Variants in ATP2B4 observed in about 807,000 individuals in gnomAD.
ATP2B4 encodes the protein plasma membrane calcium-transporting ATPase 4.
In ATP2B4, 39 loss-of-function variants were observed where a neutral mutation model predicts 110.3. The ratio of observed to expected loss-of-function variants is 0.35; its 90% CI spans 0.27 to 0.46. ATP2B4 has a LOEUF of 0.46. Among genes scored for constraint, ATP2B4 ranks in the 20% least tolerant of loss-of-function variants. The probability of loss-of-function intolerance (pLI) is 1.00; values close to 1 mark genes in which losing one functional copy is unlikely to be tolerated. For synonymous variants in ATP2B4, 538 were observed against 571.7 expected, an observed-to-expected ratio of 0.94 and a Z score of 0.84; for missense variants, 1,135 against 1,530.9, an observed-to-expected ratio of 0.74 and a Z score of 4.32.
chr1:203,653,960 A>AATATATATATATAT (rs376712958), intron 1 of ATP2B4, among the ~76,000 whole-genome samples: 1 of 132,448 alleles, frequency 7.6e-6, no homozygotes, highest in African/African-American at 2.9e-5. Context: ...TGGTTTGCCA[A>AATATATATATATAT]ATATATATAT....
At chr1:203,639,487 G>A (rs370554924) in intron 1 of ATP2B4, among the ~76,000 whole-genome samples, 36 of 152,322 alleles carry the variant, frequency 2.4e-4, no homozygotes, top group African/African-American at 7.9e-4. Context: ...TAGGGAGTTT[G>A]CATCTGTTTC....
chr1:203,633,744 A>AAATAAATT (rs1166677039), intron 1 of ATP2B4, among the ~76,000 whole-genome samples: 119 of 151,778 alleles, frequency 7.8e-4, no homozygotes, highest in African/African-American at 2.8e-3. Context: ...ATAAATAAAT[A>AAATAAATT]AAGTAAATGC....
intron 1 of ATP2B4, 26 bp downstream of exon 1, chr1:203,627,245 T>G (rs1030271788): frequency 6.6e-6 from 1 of 152,256 alleles, no homozygotes; most frequent in Admixed American, 6.5e-5. Context: ...ATGAATTGAC[T>G]TGTGATTTGC....
At chr1:203,716,389 G>C (rs1312608265) in intron 15 of ATP2B4, among the ~76,000 whole-genome samples, 1 of 145,382 alleles carries the variant, frequency 6.9e-6, no homozygotes, top group East Asian at 2.1e-4. Context: ...TAGTACCCAA[G>C]GTTTTTCTTG....
rs900355965 is a variant in ATP2B4, at chr1:203,739,491, C to T, written c.3310-55C>T. On this transcript the variant is annotated intron_variant, in intron 20 of 20. Coordinates refer to ENST00000357681, the MANE Select transcript of ATP2B4 (RefSeq NM_001684.5). ...TAAATCCACCATCTCCTTGTTCTGC[C>T]GGCCAATTCTCACCTCTCTATTTTC... The T allele has an allele frequency of 1.2e-4, 188 of 1,535,344 alleles. 1 individual carries two copies. The highest frequency in any genetic ancestry group is 2.9e-4 in the East Asian group (13 of 44,328).
chr1:203,662,268 C>T (rs1368516238), intron 1 of ATP2B4, among the ~76,000 whole-genome samples: 1 of 152,194 alleles, frequency 6.6e-6, no homozygotes, highest in East Asian at 1.9e-4. Context: ...CCTCATGATC[C>T]ACCCGTCTCA....
chr1:203,648,790 T>G (rs1190036467), intron 1 of ATP2B4, among the ~76,000 whole-genome samples: 1 of 152,074 alleles, frequency 6.6e-6, no homozygotes, highest in African/African-American at 2.4e-5. Flanking sequence ...AGGACAGAAA[T>G]GAGAAAAATG....
At chr1:203,725,822 G>C (rs559519487) in intron 19 of ATP2B4, among the ~76,000 whole-genome samples, 5 of 151,430 alleles carry the variant, frequency 3.3e-5, no homozygotes, top group Non-Finnish European at 2.9e-5. Flanking sequence ...GGAGCTGCAG[G>C]CCTTCTCCCC....
intron 1 of ATP2B4, among the ~76,000 whole-genome samples, chr1:203,671,203 T>A (rs897774275): frequency 6.6e-6 from 1 of 152,228 alleles, no homozygotes; most frequent in Non-Finnish European, 1.5e-5. Flanking sequence ...ATTGACGACC[T>A]ATAGCATATT....
chr1:203,694,614 G>C (rs1435979060), intron 2 of ATP2B4, among the ~76,000 whole-genome samples: 1 of 152,148 alleles, frequency 6.6e-6, no homozygotes, highest in Admixed American at 6.6e-5. Flanking sequence ...AGGACTGGGG[G>C]GCTGGGGGAG....
chr1:203,683,422 G>T, intron 2 of ATP2B4, 24 bp downstream of exon 2: 2 of 1,560,364 alleles, frequency 1.3e-6, no homozygotes, highest in Non-Finnish European at 1.7e-6. Context: ...CAGGGGTGGG[G>T]AGTTGGAGGA....
intron 20 of ATP2B4, chr1:203,727,875 C>A (rs555789497): frequency 5.0e-4 from 194 of 388,510 alleles, no homozygotes; most frequent in Middle Eastern, 3.1e-3. Flanking sequence ...AGCATAAGGT[C>A]TCTTGCAAGC....
intron 20 of ATP2B4, among the ~76,000 whole-genome samples, chr1:203,728,721 G>A (rs947792358): frequency 6.6e-6 from 1 of 152,190 alleles, no homozygotes; most frequent in Non-Finnish European, 1.5e-5. Context: ...GCCGGGCGTA[G>A]TGGCACATGC....
rs1558061343 is a variant in ATP2B4, at chr1:203,741,564, G to A, written c.*1710G>A. ...TAGAGTGATGAGAGTCAAGAAGAGG[G>A]GATGTATGAACGGCCAAATTCCCAT... On this transcript the variant is annotated 3_prime_UTR_variant, in exon 21 of 21. Transcript: ENST00000357681. 6.6e-6 allele frequency: 1 copy of A among 152,234 alleles called. No homozygotes were observed. 9.4% of individuals were successfully genotyped at this position (152,234 alleles called of 1,614,324 possible).
intron 20 of ATP2B4, among the ~76,000 whole-genome samples, chr1:203,730,956 A>G (rs943078315): frequency 6.6e-6 from 1 of 152,176 alleles, no homozygotes; most frequent in African/African-American, 2.4e-5. Context: ...GCTGGGTTCT[A>G]ACAAAACCCC....
intron 2 of ATP2B4, among the ~76,000 whole-genome samples, chr1:203,687,277 GAAAA>G (rs1665223047): frequency 6.8e-6 from 1 of 147,388 alleles, no homozygotes; most frequent in Non-Finnish European, 1.5e-5. Context: ...AGAAAAGAAA[GAAAA>G]GAAAGGAAGA....
chr1:203,678,674 G>C (rs1360205339), intron 1 of ATP2B4, among the ~76,000 whole-genome samples: 1 of 152,208 alleles, frequency 6.6e-6, no homozygotes, highest in Non-Finnish European at 1.5e-5. Context: ...AAAGTGCTGG[G>C]ATTACAGGCA....
chr1:203,738,493 C>A (rs1305524101), intron 20 of ATP2B4, among the ~76,000 whole-genome samples: 1 of 152,240 alleles, frequency 6.6e-6, no homozygotes. Flanking sequence ...TGACACTGGG[C>A]AATGCATCTC....
intron 20 of ATP2B4, chr1:203,733,338 T>G: frequency 6.2e-7 from 1 of 1,614,180 alleles, no homozygotes; most frequent in Non-Finnish European, 8.5e-7. Context: ...TATGTAGCAG[T>G]TGCACCAGTC....
Sources: gnomAD v4.1 joint callset for allele counts (sites outside exome capture counted in the v4.1 genomes callset) on GRCh38, gnomAD v4.1.1 for gene constraint, MANE v1.5 for transcripts, NCBI Gene and HGNC (gene_info 2026-07-23, HGNC 2026-07-21) for gene names.